The following GLIPR1 variants were observed in gnomAD, a reference collection of about 807,000 sequenced individuals.
GLIPR1 encodes GLI pathogenesis related 1.
In GLIPR1, 38 loss-of-function variants were observed where a neutral mutation model predicts 30.3. The observed-to-expected ratio is 1.26, with a 90% CI of 0.97 to 1.65. GLIPR1 has a LOEUF of 1.65. Among genes scored for constraint, GLIPR1 ranks in the 40% most tolerant of loss-of-function variants. The pLI, the probability that GLIPR1 is intolerant of heterozygous loss-of-function variation, is 0.00. For synonymous variants in GLIPR1, 122 were observed against 110.6 expected, an observed-to-expected ratio of 1.10 and a Z score of -0.65; for missense variants, 285 against 326.5, an observed-to-expected ratio of 0.87 and a Z score of 0.98.
chr12:75,498,991 A>G lies in GLIPR1; in HGVS notation c.*13A>G. The G allele has an allele frequency of 6.5e-7, 1 of 1,533,472 alleles. No homozygotes were observed. The highest frequency in any genetic ancestry group is 1.3e-5 in the South Asian group (1 of 78,010). 95.0% of individuals were successfully genotyped at this position (1,533,472 alleles called of 1,614,324 possible). On this transcript the variant is annotated 3_prime_UTR_variant, in exon 6 of 6. Coordinates refer to ENST00000266659, the MANE Select transcript of GLIPR1 (RefSeq NM_006851.3). ...TCTTTTGGACTAATACAATTCAGGA[A>G]AGAAAAAACCCAAAAACCAACCTCA...
intron 4 of GLIPR1, chr12:75,497,532 C>T (rs2046358647): frequency 6.6e-6 from 1 of 152,148 alleles, no homozygotes; most frequent in East Asian, 1.9e-4. Flanking sequence ...TTTAGGCTTA[C>T]TTGAAAGTAT....
chr12:75,488,217 C>T (rs1190507299), intron 2 of GLIPR1, among the ~76,000 whole-genome samples: 1 of 152,180 alleles, frequency 6.6e-6, no homozygotes, highest in East Asian at 1.9e-4. Context: ...AGGTCTCAGC[C>T]TCATTTTACC....
intron 2 of GLIPR1, among the ~76,000 whole-genome samples, chr12:75,489,528 A>G (rs866624523): frequency 1.3e-5 from 2 of 152,142 alleles, no homozygotes; most frequent in Non-Finnish European, 2.9e-5. Context: ...CATATTCTGA[A>G]CAAAACCCCT....
intron 2 of GLIPR1, chr12:75,487,818 G>T (rs1055325488): frequency 4.4e-6 from 2 of 455,918 alleles, no homozygotes; most frequent in Non-Finnish European, 8.8e-6. Flanking sequence ...GGGTGAGTCC[G>T]TAAAGTGAAG....
In GLIPR1 at chr12:75,501,162, A is replaced by G. The variant is rs2046391276; in HGVS notation, c.*2184A>G. ...AAGAGGATGCATCAGAAGAAATGGC[A>G]TGACAATGTTTTCTCTTAGTGTCTT... On this transcript the variant is annotated 3_prime_UTR_variant, in exon 6 of 6. Coordinates refer to ENST00000266659, the MANE Select transcript of GLIPR1 (RefSeq NM_006851.3). 1 of 152,338 alleles carries G rather than the reference A, an allele frequency of 6.6e-6. No homozygotes were observed. The highest frequency in any genetic ancestry group is 1.5e-5 in the Non-Finnish European group (1 of 68,188). 9.4% of individuals were successfully genotyped at this position (152,338 alleles called of 1,614,324 possible).
chr12:75,497,433 T>G (rs2046357921), intron 4 of GLIPR1: 3 of 152,228 alleles, frequency 2.0e-5, no homozygotes, highest in Admixed American at 2.0e-4. Context: ...CCCATTTACT[T>G]CAGATAAGTG....
At chr12:75,496,002 TTTTTTTG>T (rs1307265007) in intron 4 of GLIPR1, 36 of 129,646 alleles carry the variant, frequency 2.8e-4, no homozygotes, top group Admixed American at 7.0e-4. Context: ...TTTTCGTTTT[TTTTTTTG>T]TTTTTTTTTT....
chr12:75,481,804 C>G, intron 1 of GLIPR1, 30 bp from the exon 2 acceptor site: 1 of 1,607,470 alleles, frequency 6.2e-7, no homozygotes, highest in Middle Eastern at 1.7e-4. Flanking sequence ...TTCAGATGAA[C>G]CCCCTATTGT....
intron 3 of GLIPR1, chr12:75,493,276 G>A (rs1264607370): frequency 6.6e-6 from 1 of 152,170 alleles, no homozygotes; most frequent in Non-Finnish European, 1.5e-5. Context: ...AGACCAGTTA[G>A]GAATGTCCTC....
chr12:75,490,210 C>CACAG (rs1054291260), intron 2 of GLIPR1, among the ~76,000 whole-genome samples, 196 bp from the exon 3 acceptor site: 42 of 149,874 alleles, frequency 2.8e-4, no homozygotes, highest in Admixed American at 7.3e-4. Context: ...CACACACACA[C>CACAG]ACACACACAC....
chr12:75,503,709 C>G lies in GLIPR1; in HGVS notation c.*4731C>G, dbSNP rs1381217138. On this transcript the variant is annotated 3_prime_UTR_variant, in exon 6 of 6. Coordinates refer to ENST00000266659, the MANE Select transcript of GLIPR1 (RefSeq NM_006851.3). ...ATGCAGTTTATAATCAATGTGAACGCCCCACTGCACACCCCCATGCACTCA... is the reference window on the plus strand; with the variant it reads ...ATGCAGTTTATAATCAATGTGAACGGCCCACTGCACACCCCCATGCACTCA... 9.6e-6 allele frequency: 4 copies of G among 418,162 alleles called. No individual in the cohort carries two copies. The Admixed American group carries it at 1.6e-4, about 17-fold the overall frequency. 25.9% of individuals were successfully genotyped at this position (418,162 alleles called of 1,614,324 possible).
Position 75,481,048 on chromosome 12 carries a change from A to G in GLIPR1, c.168A>G (p.Leu56=), listed in dbSNP as rs199639558. Residue 56 remains leucine, a synonymous_variant, in exon 1 of 6, where the codon CTA becomes CTG. Coordinates refer to ENST00000266659, the MANE Select transcript of GLIPR1 (RefSeq NM_006851.3). The part of the protein sequence containing the change: ...SEVKPTASDM[L]YMTWDPALAQ... ...TGAAACCAACAGCCAGTGATATGCT[A>G]TACATGGTAAGGAAAATATCATTAA... is the stretch of plus-strand genomic sequence containing the variant. 67 of 1,606,980 alleles carry G rather than the reference A, an allele frequency of 4.2e-5. No homozygotes were observed. The highest frequency in any genetic ancestry group is 3.3e-4 in the Middle Eastern group (2 of 6,030).
At chr12:75,481,245 G>A in intron 1 of GLIPR1, 191 bp downstream of exon 1, 1 of 423,180 alleles carries the variant, frequency 2.4e-6, no homozygotes, top group Non-Finnish European at 4.2e-6. Context: ...TTATAAGCAA[G>A]TGCCACAGCA....
Position 75,500,006 on chromosome 12 carries a change from CAAAG to C in GLIPR1, c.*1031_*1034del. On this transcript the variant is annotated 3_prime_UTR_variant, in exon 6 of 6. Coordinates refer to ENST00000266659, the MANE Select transcript of GLIPR1 (RefSeq NM_006851.3). ...ATACTTTAGATTTTACCAAGTAAAA[CAAAG>C]AATATATGTTTAACAAAGAATATAT... The C allele has an allele frequency of 1.5e-6, 2 of 1,364,598 alleles. No individual in the cohort carries two copies. Among genetic ancestry groups the C allele is most frequent in the Non-Finnish European group, 2.0e-6 (2 of 995,952 alleles). 84.5% of individuals were successfully genotyped at this position (1,364,598 alleles called of 1,614,324 possible).
chr12:75,490,223 A>ACACC, intron 2 of GLIPR1, among the ~76,000 whole-genome samples, 183 bp from the exon 3 acceptor site: 1 of 149,786 alleles, frequency 6.7e-6, no homozygotes, highest in Admixed American at 6.6e-5. Flanking sequence ...ACACACACAC[A>ACACC]CACACACACA....
At chr12:75,488,399 T>C (rs764328800) in intron 2 of GLIPR1, among the ~76,000 whole-genome samples, 1 of 152,080 alleles carries the variant, frequency 6.6e-6, no homozygotes, top group Non-Finnish European at 1.5e-5. Flanking sequence ...TAGCCGGGCA[T>C]GGTGGCACAT....
chr12:75,497,489 G>C (rs1344745860), intron 4 of GLIPR1: 1 of 152,152 alleles, frequency 6.6e-6, no homozygotes, highest in Non-Finnish European at 1.5e-5. Context: ...CCTATTCTCA[G>C]AGCTAGATTT....
At chr12:75,496,761 C>T (rs2046354175) in intron 4 of GLIPR1, 1 of 152,160 alleles carries the variant, frequency 6.6e-6, no homozygotes, top group Non-Finnish European at 1.5e-5. Flanking sequence ...TGTTCCATTG[C>T]TCATGTTTTA....
At chr12:75,493,667 C>T (rs2120546456) in intron 3 of GLIPR1, 1 of 152,380 alleles carries the variant, frequency 6.6e-6, no homozygotes, top group South Asian at 2.1e-4. Flanking sequence ...CGGTCTTCCC[C>T]TGGGTCCCAT....
Sources: allele counts gnomAD v4.1 joint callset (sites outside exome capture counted in the v4.1 genomes callset), GRCh38; gene constraint gnomAD v4.1.1; transcripts MANE v1.5; gene names NCBI Gene and HGNC (gene_info 2026-07-23, HGNC 2026-07-21).